NME6: variants seen among roughly 807,000 people sequenced by gnomAD.
The protein encoded by NME6 is nucleoside diphosphate kinase 6, mitochondrial.
NME6 carries 16 observed loss-of-function variants against 22.2 expected under a neutral mutation model. The observed-to-expected ratio is 0.72, with a 90% CI of 0.49 to 1.09. The LOEUF (loss-of-function observed/expected upper bound fraction) is 1.09, where lower values mean the gene tolerates loss of function less well. NME6 is among the 50% of genes least tolerant of loss of function. The probability of loss-of-function intolerance (pLI) is 0.00; values close to 1 mark genes in which losing one functional copy is unlikely to be tolerated. For synonymous variants in NME6, 58 were observed against 85.2 expected (o/e 0.68, Z 1.76); for missense variants, 229 against 239.0 (o/e 0.96, Z 0.28).
At chr3:48,299,043 A>G in intron 1 of NME6, 3 of 701,262 alleles carry the variant, frequency 4.3e-6, no homozygotes, top group Non-Finnish European at 7.8e-6. Context: ...GATAAACACC[A>G]TCTCTATTCT....
rs1209458917 is a variant in NME6 at position 48,294,675 on chromosome 3, G to A, written c.523C>T (p.His175Tyr). ...AGGCCTCCTGTTCCAGCTACATAGT[G>A]GACACCTCCCTCTGGGCTATAGCAC... ...PVCYSPEGGV[H>Y]YVAGTGGLGP... The change falls in exon 6 of 6, where the codon CAC becomes TAC. Residue 175 changes from histidine to tyrosine, a missense_variant. Physicochemically the swap from His to Tyr is moderately conservative, Grantham distance 83 (BLOSUM62 2). Transcript: ENST00000442597. 1 of 1,614,166 alleles carries A rather than the reference G, an allele frequency of 6.2e-7. No homozygotes were observed. Among genetic ancestry groups the A allele is most frequent in the Admixed American group, 1.7e-5 (1 of 60,024 alleles).
Position 48,293,205 on chromosome 3 carries a change from TTTCC to T in NME6, c.*1428_*1431del. 6.6e-6 allele frequency: 1 copy of T among 152,336 alleles called. No individual in the cohort carries two copies. The highest frequency in any genetic ancestry group is 6.5e-5 in the Admixed American group (1 of 15,306). The allele number at this position is 152,336 out of a possible 1,614,324, so 9.4% of individuals were successfully genotyped here. On this transcript the variant is annotated 3_prime_UTR_variant, in exon 6 of 6. Transcript: ENST00000442597. ...AAGTCCCAGGCTCACTTCTCTTGAG[TTTCC>T]TTCGTGTCCTGAATTTTGGTTCTAT...
In NME6 at chr3:48,294,419, A is replaced by G; in HGVS notation, c.*218T>C. On this transcript the variant is annotated 3_prime_UTR_variant, in exon 6 of 6. Transcript: ENST00000442597. ...GGATGAACAGTTCTCAGCAAAGAGG[A>G]GTCATCATTCTTCTGAACCACCATA... The G allele has an allele frequency of 2.0e-6, 1 of 506,492 alleles. No individual in the cohort carries two copies. The highest frequency in any genetic ancestry group is 3.1e-5 in the Admixed American group (1 of 32,242). The allele number at this position is 506,492 out of a possible 1,614,324, so 31.4% of individuals were successfully genotyped here.
At chr3:48,289,060 T>G (rs1156405013), downstream of NME6, among the ~76,000 whole-genome samples, 3 of 147,626 alleles carry the variant, frequency 2.0e-5, no homozygotes, top group Non-Finnish European at 3.0e-5. Flanking sequence ...AGATGGACAT[T>G]TAAAAATAAT....
At chr3:48,300,662 A>T in intron 1 of NME6, 2 of 245,946 alleles carry the variant, frequency 8.1e-6, no homozygotes, top group Non-Finnish European at 1.6e-5. Flanking sequence ...TTCCTTTACT[A>T]ACGCAGCTAA....
At chr3:48,296,997 A>G (rs34946886) in intron 2 of NME6, among the ~76,000 whole-genome samples, 168 bp from the exon 3 acceptor site, 32,753 of 151,948 alleles carry the variant, frequency 0.22, 4,351 homozygotes, top group South Asian at 0.3. Context: ...CAGAGTGTGC[A>G]CCTTGGGTGA....
rs780142012 is a variant in NME6, at chr3:48,296,781, T to C, written c.139A>G (p.Arg47Gly). The change falls in exon 3 of 6, where the codon AGA becomes GGA. Residue 47 changes from arginine (R) to glycine (G), a missense_variant. Physicochemically the swap from Arg to Gly is moderately radical, Grantham distance 125. Coordinates refer to ENST00000442597, the MANE Select transcript of NME6 (RefSeq NM_001308426.2). Reference sequence around the variant, plus strand: ...TCTTCCTTTCTCCACAGTAGTTCTCTCATTCGTACAATCAGGAACTTGTTG... The same window carrying C: ...TCTTCCTTTCTCCACAGTAGTTCTCCCATTCGTACAATCAGGAACTTGTTG... Reference protein sequence around the residue: ...LSNKFLIVRMRELLWRKEDCQ... With the variant: ...LSNKFLIVRMGELLWRKEDCQ... 3.7e-6 allele frequency: 6 copies of C among 1,613,890 alleles called. No homozygotes were observed. Among genetic ancestry groups the C allele is most frequent in the African/African-American group, 1.3e-5 (1 of 75,034 alleles).
chr3:48,297,004 G>A (rs1396206208), intron 2 of NME6, among the ~76,000 whole-genome samples, 175 bp from the exon 3 acceptor site: 1 of 152,110 alleles, frequency 6.6e-6, no homozygotes, highest in African/African-American at 2.4e-5. Flanking sequence ...TGCACCTTGG[G>A]TGAAAGGGGA....
chr3:48,296,252 T>C, intron 3 of NME6, 94 bp from the exon 4 acceptor site: 5 of 1,568,708 alleles, frequency 3.2e-6, no homozygotes, highest in Non-Finnish European at 3.5e-6. Flanking sequence ...ATAATAAAAA[T>C]TGTTTCAGAG....
chr3:48,301,357 T>C lies in NME6; in HGVS notation c.-12A>G. ...GAAGTCCGGCTGCGGGTTCACCTTG[T>C]CCTCCGGCACAGGGCCCGGCCACCA... On this transcript the variant is annotated 5_prime_UTR_variant, in exon 1 of 6. Transcript: ENST00000442597. 4 of 1,562,596 alleles carry C rather than the reference T, an allele frequency of 2.6e-6. No individual in the cohort carries two copies. The highest frequency in any genetic ancestry group is 2.6e-6 in the Non-Finnish European group (3 of 1,153,520).
At chr3:48,288,210 A>G, downstream of NME6, among the ~76,000 whole-genome samples, 1 of 151,972 alleles carries the variant, frequency 6.6e-6, no homozygotes, top group East Asian at 1.9e-4. Context: ...GCAAAACTCC[A>G]TCTCTACAAA....
downstream of NME6, chr3:48,291,251 C>T (rs1025921673): frequency 4.1e-5 from 16 of 386,718 alleles, no homozygotes; most frequent in Non-Finnish European, 8.1e-5. Flanking sequence ...ACTTTTCTTT[C>T]CTTCAGCATG....
Position 48,298,469 on chromosome 3 carries a change from G to C in NME6, c.48C>G (p.Ala16=), listed in dbSNP as rs1364805379. ...RSPQALQLTL[A]LIKPDAVAHP... is the part of the protein sequence containing the mutation. ...GGGCGACTGCGTCAGGCTTGATCAG[G>C]GCTAGAGTGAGCTGGAGAGCCTGAG... Residue 16 remains alanine (A), a synonymous_variant, in exon 2 of 6, where the codon GCC becomes GCG. Transcript: ENST00000442597. The C allele has an allele frequency of 6.2e-7, 1 of 1,613,472 alleles. No homozygotes were observed. The highest frequency in any genetic ancestry group is 8.5e-7 in the Non-Finnish European group (1 of 1,179,696).
At chr3:48,300,209 TAG>T in intron 1 of NME6, 1 of 456,488 alleles carries the variant, frequency 2.2e-6, no homozygotes, top group Admixed American at 2.3e-5. Context: ...ACCCTGTTCT[TAG>T]AATAAAAACC....
downstream of NME6, among the ~76,000 whole-genome samples, chr3:48,288,107 G>A (rs1340763335): frequency 3.3e-5 from 5 of 152,114 alleles, no homozygotes; most frequent in South Asian, 2.1e-4. Context: ...AAGTAAGAGC[G>A]TGGTGGCTCA....
downstream of NME6, chr3:48,291,052 T>C (rs983550150): frequency 1.0e-4 from 29 of 290,008 alleles, no homozygotes; most frequent in African/African-American, 6.4e-4. Context: ...TTCGCCCCAA[T>C]TTCTCAGTTT....
At chr3:48,299,063 G>A (rs2035432300) in intron 1 of NME6, 2 of 692,238 alleles carry the variant, frequency 2.9e-6, no homozygotes, top group Non-Finnish European at 5.3e-6. Context: ...TAATATTATG[G>A]AGAGATCAGG....
Position 48,293,407 on chromosome 3 carries a change from T to C in NME6, c.*1230A>G, listed in dbSNP as rs1388481713. ...AGGCCACCAAAAAGAGAAATACACA[T>C]GTACTGAGAAAGAAAAGTCAAGACC... On this transcript the variant is annotated 3_prime_UTR_variant, in exon 6 of 6. Coordinates refer to ENST00000442597, the MANE Select transcript of NME6 (RefSeq NM_001308426.2). 1.3e-5 allele frequency: 2 copies of C among 152,180 alleles called. No homozygotes were observed. The highest frequency in any genetic ancestry group is 4.8e-5 in the African/African-American group (2 of 41,444). The allele number at this position is 152,180 out of a possible 1,614,324, so 9.4% of individuals were successfully genotyped here. A position where few individuals can be genotyped will look rare whatever the true frequency, so the allele number is the denominator to read the frequency against.
intron 4 of NME6, 146 bp downstream of exon 4, chr3:48,295,973 T>G: frequency 1.4e-6 from 1 of 690,716 alleles, no homozygotes; most frequent in Non-Finnish European, 2.6e-6. Context: ...CGCCTCAGCC[T>G]CCCAAAGTGC....
Sources: gnomAD v4.1 joint callset for allele counts (sites outside exome capture counted in the v4.1 genomes callset) on GRCh38, gnomAD v4.1.1 for gene constraint, MANE v1.5 for transcripts, NCBI Gene and HGNC (gene_info 2026-07-23, HGNC 2026-07-21) for gene names.